CSMD1: variants seen among roughly 807,000 people sequenced by gnomAD.
CSMD1 encodes CUB and sushi domain-containing protein 1.
In CSMD1, 213 loss-of-function variants were observed where a neutral mutation model predicts 417.5. The observed-to-expected ratio is 0.51, with a 90% CI of 0.46 to 0.57. The LOEUF (loss-of-function observed/expected upper bound fraction) is 0.57, where lower values mean the gene tolerates loss of function less well. Ranked by LOEUF, CSMD1 falls within the 20% of genes least tolerant of loss-of-function variation. The probability of loss-of-function intolerance (pLI) is 0.00; values close to 1 mark genes in which losing one functional copy is unlikely to be tolerated. For synonymous variants in CSMD1, 2,862 were observed against 1,736.8 expected (o/e 1.65, Z -16.11); for missense variants, 6,923 against 4,529.7 (o/e 1.53, Z -15.17).
rs529592853 is a variant in CSMD1 at position 3,623,390 on chromosome 8, C to T, written c.1010-6593G>A. On this transcript the variant is annotated intron_variant, in intron 7 of 69. Transcript: ENST00000635120. ...CAAACTATAGAAGTAGATCAGGTGCCATCATGAATAAAGCAAGTGTCTGAA... is the reference window on the plus strand; with the variant it reads ...CAAACTATAGAAGTAGATCAGGTGCTATCATGAATAAAGCAAGTGTCTGAA... Among the ~76,000 whole-genome samples, 393 of 152,174 alleles carry T rather than the reference C, an allele frequency of 2.6e-3. 3 individuals are homozygous for T. The highest frequency in any genetic ancestry group is 8.9e-3 in the African/African-American group (369 of 41,522).
chr8:3,554,888 G>C (rs1168005031), intron 10 of CSMD1, among the ~76,000 whole-genome samples: 1 of 152,120 alleles, frequency 6.6e-6, no homozygotes, highest in Non-Finnish European at 1.5e-5. Context: ...TGGTGAGAGT[G>C]TCACTGAAAC....
At chr8:3,751,797 G>A (rs1407746070) in intron 6 of CSMD1, among the ~76,000 whole-genome samples, 1 of 152,066 alleles carries the variant, frequency 6.6e-6, no homozygotes, top group Non-Finnish European at 1.5e-5. Context: ...CAAGTTCACT[G>A]ATCAGGTTTG....
chr8:3,273,832 G>C (rs537722495), intron 26 of CSMD1, among the ~76,000 whole-genome samples: 3 of 151,388 alleles, frequency 2.0e-5, no homozygotes, highest in Non-Finnish European at 4.4e-5. Context: ...TTTTTTCTTA[G>C]TCTTGCTAGT....
intron 1 of CSMD1, among the ~76,000 whole-genome samples, chr8:4,759,026 A>G (rs1439147883): frequency 6.6e-6 from 1 of 152,234 alleles, no homozygotes; most frequent in East Asian, 1.9e-4. Flanking sequence ...CCCAGGAAAC[A>G]GATGCGGAGA....
intron 3 of CSMD1, among the ~76,000 whole-genome samples, chr8:4,195,827 TGAG>T (rs1318240244): frequency 6.6e-6 from 1 of 151,918 alleles, no homozygotes; most frequent in Non-Finnish European, 1.5e-5. Context: ...AGCCTGTAGA[TGAG>T]GAGGCAGTGG....
intron 3 of CSMD1, among the ~76,000 whole-genome samples, chr8:4,185,165 A>C (rs1222130759): frequency 6.8e-6 from 1 of 147,112 alleles, no homozygotes; most frequent in East Asian, 2.0e-4. Flanking sequence ...AAAAAAAAGC[A>C]AACGAAGAAA....
At chr8:4,969,172 G>T (rs1354095196) in intron 1 of CSMD1, among the ~76,000 whole-genome samples, 1 of 152,034 alleles carries the variant, frequency 6.6e-6, no homozygotes, top group Admixed American at 6.6e-5. Flanking sequence ...ATGGGATTGC[G>T]TGTGTGCGTG....
At chr8:4,770,790 C>G (rs1796562180) in intron 1 of CSMD1, among the ~76,000 whole-genome samples, 1 of 151,950 alleles carries the variant, frequency 6.6e-6, no homozygotes. Flanking sequence ...CCCTTTATAC[C>G]ATACATAAAA....
chr8:4,990,467 G>C (rs1029599388), intron 1 of CSMD1, among the ~76,000 whole-genome samples: 1 of 152,012 alleles, frequency 6.6e-6, no homozygotes, highest in African/African-American at 2.4e-5. Context: ...GGGTTCAAGA[G>C]ATTCTCCTGC....
At chr8:4,067,747 G>C (rs745895307) in intron 3 of CSMD1, among the ~76,000 whole-genome samples, 25 of 152,044 alleles carry the variant, frequency 1.6e-4, no homozygotes, top group Non-Finnish European at 2.2e-4. Context: ...GTTATTCTTT[G>C]GACAACTAAT....
At chr8:3,582,808 C>A (rs1341566497) in intron 9 of CSMD1, among the ~76,000 whole-genome samples, 1 of 152,258 alleles carries the variant, frequency 6.6e-6, no homozygotes, top group Non-Finnish European at 1.5e-5. Context: ...ATTAAATTCA[C>A]CTGTTTCTCT....
chr8:4,949,514 G>C (rs1028389909), intron 1 of CSMD1, among the ~76,000 whole-genome samples: 3 of 152,144 alleles, frequency 2.0e-5, no homozygotes, highest in African/African-American at 7.2e-5. Flanking sequence ...CTGCCTCCCA[G>C]GGGATATGCT....
intron 1 of CSMD1, among the ~76,000 whole-genome samples, chr8:4,768,184 G>A (rs1015873936): frequency 1.3e-5 from 2 of 152,124 alleles, no homozygotes; most frequent in Non-Finnish European, 2.9e-5. Context: ...ATTGATGGAT[G>A]ACTTTGGGAA....
chr8:4,189,921 A>C (rs377094668), intron 3 of CSMD1, among the ~76,000 whole-genome samples: 4 of 151,020 alleles, frequency 2.6e-5, no homozygotes, highest in African/African-American at 9.8e-5. Flanking sequence ...ACTCTTTTGC[A>C]TATTTTTTTT....
intron 5 of CSMD1, among the ~76,000 whole-genome samples, chr8:3,841,220 T>G (rs1275180260): frequency 1.3e-5 from 2 of 152,178 alleles, no homozygotes; most frequent in African/African-American, 4.8e-5. Flanking sequence ...TCAATAAACT[T>G]GTTTGGAAAG....
intron 1 of CSMD1, among the ~76,000 whole-genome samples, chr8:4,804,102 A>G (rs1025409033): frequency 2.6e-5 from 4 of 152,240 alleles, no homozygotes; most frequent in Non-Finnish European, 5.9e-5. Context: ...AACCATTAAA[A>G]TTATTTCCAC....
intron 10 of CSMD1, among the ~76,000 whole-genome samples, chr8:3,566,486 G>C (rs368363893): frequency 2.0e-5 from 3 of 151,904 alleles, no homozygotes; most frequent in African/African-American, 7.3e-5. Context: ...AGCCCCTCCT[G>C]GTGTGCTGTC....
At chr8:4,844,141 T>C (rs1800999512) in intron 1 of CSMD1, among the ~76,000 whole-genome samples, 2 of 152,120 alleles carry the variant, frequency 1.3e-5, no homozygotes, top group South Asian at 2.1e-4. Flanking sequence ...ACAAATCATA[T>C]TTTTTCAACC....
intron 2 of CSMD1, among the ~76,000 whole-genome samples, chr8:4,435,946 C>T (rs150871780): frequency 6.6e-6 from 1 of 152,132 alleles, no homozygotes; most frequent in African/African-American, 2.4e-5. Flanking sequence ...AATCTACATT[C>T]TTAGCCTTTA....
Sources: allele counts gnomAD v4.1 joint callset (sites outside exome capture counted in the v4.1 genomes callset), GRCh38; gene constraint gnomAD v4.1.1; transcripts MANE v1.5; gene names NCBI Gene and HGNC (gene_info 2026-07-23, HGNC 2026-07-21).